The following CCDC125 variants were observed in gnomAD, a reference collection of about 807,000 sequenced individuals.
CCDC125 encodes coiled-coil domain-containing protein 125.
A neutral mutation model predicts 57.4 loss-of-function variants in CCDC125; 43 were observed. That is an observed-to-expected ratio of 0.75 (90% CI 0.59 to 0.97). The LOEUF (loss-of-function observed/expected upper bound fraction) is 0.97, where lower values mean the gene tolerates loss of function less well. CCDC125 is among the 50% of genes least tolerant of loss of function. CCDC125 has a pLI of 0.00. For synonymous variants in CCDC125, 187 were observed against 195.2 expected (o/e 0.96, Z 0.35); for missense variants, 563 against 595.7 (o/e 0.95, Z 0.57).
chr5:69,279,051 G>A (rs1055344518), downstream of CCDC125, among the ~76,000 whole-genome samples: 1 of 151,416 alleles, frequency 6.6e-6, no homozygotes, highest in Non-Finnish European at 1.5e-5. Context: ...TAACACAAAT[G>A]TATTAGCTCA....
At chr5:69,320,046 G>A (rs531060816) in intron 2 of CCDC125, among the ~76,000 whole-genome samples, 191 bp downstream of exon 2, 106 of 152,136 alleles carry the variant, frequency 7.0e-4, no homozygotes, top group Non-Finnish European at 1.3e-3. Flanking sequence ...GCTTGAACCC[G>A]GGGGGTGGAG....
rs1305989112 is a variant in CCDC125, at chr5:69,281,538, C to T, written c.*1191G>A. The T allele has an allele frequency of 6.6e-6, 1 of 152,174 alleles. No homozygotes were observed. The highest frequency in any genetic ancestry group is 2.4e-5 in the African/African-American group (1 of 41,442). 9.4% of individuals were successfully genotyped at this position (152,174 alleles called of 1,614,324 possible). Reference sequence around the variant, plus strand: ...GTGCAGATTTGGTTGCAAAATGTTACTACCCTGACAAGAAGCCATGAACGC... The same window carrying T: ...GTGCAGATTTGGTTGCAAAATGTTATTACCCTGACAAGAAGCCATGAACGC... On this transcript the variant is annotated 3_prime_UTR_variant, in exon 12 of 12. Coordinates refer to ENST00000396496, the MANE Select transcript of CCDC125 (RefSeq NM_176816.5).
intron 2 of CCDC125, among the ~76,000 whole-genome samples, chr5:69,314,762 C>T (rs1758737494): frequency 1.3e-5 from 2 of 151,898 alleles, no homozygotes; most frequent in Non-Finnish European, 2.9e-5. Flanking sequence ...TATGACTGTA[C>T]CACTATACTC....
intron 8 of CCDC125, 37 bp from the exon 9 acceptor site, chr5:69,294,937 T>TCA (rs1755078340): frequency 3.2e-6 from 5 of 1,562,292 alleles, no homozygotes; most frequent in Non-Finnish European, 4.4e-6. Flanking sequence ...TTATTAAGTG[T>TCA]CACACTGTTT....
chr5:69,279,413 G>A (rs971677320), downstream of CCDC125, among the ~76,000 whole-genome samples: 1 of 152,104 alleles, frequency 6.6e-6, no homozygotes, highest in Admixed American at 6.6e-5. Context: ...AGCCAGGATG[G>A]TCTCTATCTC....
At chr5:69,331,010 A>G (rs1295594954) in intron 1 of CCDC125, among the ~76,000 whole-genome samples, 1 of 151,894 alleles carries the variant, frequency 6.6e-6, no homozygotes, top group Non-Finnish European at 1.5e-5. Flanking sequence ...TTCCTTTTTA[A>G]AAAAAATGTA....
chr5:69,273,076 T>C, the CCDC125 span: 3 of 1,385,640 alleles, frequency 2.2e-6, no homozygotes, highest in South Asian at 3.2e-5. Context: ...CTAGGAAATA[T>C]AAAAATAATC....
intron 5 of CCDC125, chr5:69,307,553 G>C (rs898000843): frequency 6.0e-6 from 1 of 165,820 alleles, no homozygotes; most frequent in Admixed American, 5.9e-5. Flanking sequence ...GTGGTGGCGG[G>C]CACCTGTAAT....
At chr5:69,274,886 G>A in the CCDC125 span, among the ~76,000 whole-genome samples, 4 of 152,132 alleles carry the variant, frequency 2.6e-5, no homozygotes, top group Admixed American at 2.6e-4. Context: ...AAAGTGCTGG[G>A]ATTACAGGCA....
chr5:69,332,573 G>C (rs1353398471), intron 1 of CCDC125, 76 bp downstream of exon 1: 2 of 152,262 alleles, frequency 1.3e-5, no homozygotes, highest in Admixed American at 1.3e-4. Flanking sequence ...TGGGCAGTTT[G>C]TCCACAACCT....
rs372638805 is a variant in CCDC125 at position 69,329,027 on chromosome 5, T to C, written c.-41+3622A>G. Among the ~76,000 whole-genome samples the C allele has an allele frequency of 1.3e-5, 2 of 151,716 alleles. 1 individual carries two copies. The highest frequency in any genetic ancestry group is 3.9e-4 in the East Asian group (2 of 5,182). ...GCAGGATGGTCTCAATCTCCTGACC[T>C]CATGATCCGCTGGCCTCGGCCTCCC... is the stretch of plus-strand genomic sequence containing the variant. On this transcript the variant is annotated intron_variant, in intron 1 of 11. Transcript: ENST00000396496.
chr5:69,284,636 C>T (rs964571479), intron 11 of CCDC125, among the ~76,000 whole-genome samples: 1 of 152,096 alleles, frequency 6.6e-6, no homozygotes, highest in African/African-American at 2.4e-5. Flanking sequence ...GAGTCTGGTA[C>T]TCCAACTGGG....
intron 2 of CCDC125, 82 bp downstream of exon 2, chr5:69,320,155 T>G (rs1759791757): frequency 2.4e-6 from 3 of 1,229,208 alleles, no homozygotes; most frequent in Non-Finnish European, 3.4e-6. Context: ...CCAATATGGT[T>G]ATTTATTTTA....
Position 69,320,305 on chromosome 5 carries a change from T to C in CCDC125, c.236A>G (p.His79Arg), listed in dbSNP as rs767655359. Residue 79 changes from histidine to arginine, a missense_variant, in exon 2 of 12, where the codon CAT becomes CGT. By Grantham distance (29) the His-to-Arg change is conservative (BLOSUM62 0). Transcript: ENST00000396496. ...RNEASFQYSKHKSQQDTFPQV... is the reference protein window; with the variant it reads ...RNEASFQYSKRKSQQDTFPQV... ...AGGGAATGTATCTTGCTGGCTCTTA[T>C]GCTTGGAATACTGAAAACTCGCTTC... The C allele has an allele frequency of 6.2e-7, 1 of 1,614,188 alleles. No homozygotes were observed. Among genetic ancestry groups the C allele is most frequent in the Non-Finnish European group, 8.5e-7 (1 of 1,180,022 alleles).
chr5:69,286,038 G>A (rs1320374358), intron 10 of CCDC125, among the ~76,000 whole-genome samples: 1 of 151,300 alleles, frequency 6.6e-6, no homozygotes, highest in East Asian at 1.9e-4. Context: ...TAAATCACAC[G>A]GGCTGGAGAA....
At position 69,281,582 on chromosome 5, in the gene CCDC125, A is replaced by G. The variant is rs1752480880; in HGVS notation, c.*1147T>C. On this transcript the variant is annotated 3_prime_UTR_variant, in exon 12 of 12. Coordinates refer to ENST00000396496, the MANE Select transcript of CCDC125 (RefSeq NM_176816.5). ...TGAACGCAGCCGGCACTGACTCAATATACTTCTGCCAAGGTCCCACCATCA... is the reference window on the plus strand; with the variant it reads ...TGAACGCAGCCGGCACTGACTCAATGTACTTCTGCCAAGGTCCCACCATCA... 6.6e-6 allele frequency: 1 copy of G among 152,192 alleles called. No individual in the cohort carries two copies. Among genetic ancestry groups the G allele is most frequent in the African/African-American group, 2.4e-5 (1 of 41,454 alleles). The allele number at this position is 152,192 out of a possible 1,614,324, so 9.4% of individuals were successfully genotyped here.
chr5:69,320,714 T>C (rs998301907), intron 1 of CCDC125, 134 bp from the exon 2 acceptor site: 4 of 605,954 alleles, frequency 6.6e-6, no homozygotes, highest in Non-Finnish European at 1.2e-5. Flanking sequence ...GTAGCACTGT[T>C]CACAATAGCC....
intron 6 of CCDC125, among the ~76,000 whole-genome samples, chr5:69,304,872 C>T (rs28584613): frequency 0.94 from 143,370 of 152,232 alleles, 67,853 homozygotes; most frequent in East Asian, 1. Flanking sequence ...CTTACATACA[C>T]AGGTCCTCAT....
chr5:69,315,631 G>A (rs34449757), intron 2 of CCDC125, among the ~76,000 whole-genome samples: 66,410 of 150,398 alleles, frequency 0.44, 14,816 homozygotes, highest in South Asian at 0.49. Flanking sequence ...GGTGGCGGGC[G>A]CCTGTAATCC....
Sources: allele counts gnomAD v4.1 joint callset (sites outside exome capture counted in the v4.1 genomes callset), GRCh38; gene constraint gnomAD v4.1.1; transcripts MANE v1.5; gene names NCBI Gene and HGNC (gene_info 2026-07-23, HGNC 2026-07-21).